SPATA13: variants seen among roughly 807,000 people sequenced by gnomAD.
SPATA13 encodes the protein spermatogenesis-associated protein 13.
Under a neutral mutation model 104.0 loss-of-function variants are expected in SPATA13, and 50 were observed. The observed-to-expected ratio is 0.48, with a 90% CI of 0.38 to 0.61. The LOEUF (loss-of-function observed/expected upper bound fraction) is 0.61, where lower values mean the gene tolerates loss of function less well. SPATA13 is among the 20% of genes least tolerant of loss of function. The pLI is 0.00. For missense variants in SPATA13, 1,524 were observed against 1,690.6 expected, an observed-to-expected ratio of 0.90 and a Z score of 1.73; for synonymous variants, 606 against 667.5, an observed-to-expected ratio of 0.91 and a Z score of 1.42.
chr13:24,150,162 G>T (rs557441616), intron 3 of SPATA13, among the ~76,000 whole-genome samples: 1 of 152,238 alleles, frequency 6.6e-6, no homozygotes, highest in East Asian at 1.9e-4. Flanking sequence ...CAGACCCTCT[G>T]TCCTGAGACA....
chr13:24,167,139 A>G (rs541974968), intron 1 of SPATA13, among the ~76,000 whole-genome samples: 1 of 152,326 alleles, frequency 6.6e-6, no homozygotes, highest in East Asian at 1.9e-4. Flanking sequence ...AACCACTGTC[A>G]TAGGTGAGGA....
chr13:24,294,306 G>A (rs1331984173), intron 9 of SPATA13, among the ~76,000 whole-genome samples: 1 of 152,182 alleles, frequency 6.6e-6, no homozygotes, highest in Non-Finnish European at 1.5e-5. Flanking sequence ...AAAAGATGAA[G>A]ACTCAGAGCA....
At chr13:24,203,214 G>A (rs1292332058) in intron 1 of SPATA13, among the ~76,000 whole-genome samples, 1 of 151,668 alleles carries the variant, frequency 6.6e-6, no homozygotes, top group Non-Finnish European at 1.5e-5. Context: ...GCTTTCTGAA[G>A]TTGAAGTTGT....
chr13:23,982,693 C>T (rs1874958261), intron 1 of SPATA13, among the ~76,000 whole-genome samples: 1 of 152,186 alleles, frequency 6.6e-6, no homozygotes, highest in Admixed American at 6.5e-5. Context: ...AGCCTTACAA[C>T]AACCACTCAG....
chr13:24,176,780 C>CTGTA (rs1435835939), intron 1 of SPATA13, among the ~76,000 whole-genome samples: 2 of 152,096 alleles, frequency 1.3e-5, no homozygotes, highest in Non-Finnish European at 2.9e-5. Flanking sequence ...CAAGTTCATG[C>CTGTA]TGTAGTATAT....
In SPATA13 at chr13:24,161,875, TTGCTGC is replaced by T. The variant is rs1882511268; in HGVS notation, c.-112+944_-112+949del. Among the ~76,000 whole-genome samples, 2 of 152,244 alleles carry T rather than the reference TTGCTGC, an allele frequency of 1.3e-5. No homozygotes were observed. Among genetic ancestry groups the T allele is most frequent in the African/African-American group, 4.8e-5 (2 of 41,452 alleles). ...TTTTCTCTGTCCCCACCTTCGGTTTTTGCTGCCTCGTGTTTTCTTCTCTGTGAACCT... is the reference window on the plus strand; with the variant it reads ...TTTTCTCTGTCCCCACCTTCGGTTTTCTCGTGTTTTCTTCTCTGTGAACCT... On this transcript the variant is annotated intron_variant, in intron 1 of 12. Transcript: ENST00000382108. The surrounding 1 kb of genome is among the most constrained non-coding windows in gnomAD (Gnocchi z 4.5).
intron 3 of SPATA13, among the ~76,000 whole-genome samples, chr13:24,086,692 A>G (rs1178604411): frequency 1.3e-5 from 2 of 151,848 alleles, no homozygotes; most frequent in African/African-American, 4.8e-5. Context: ...AAGAAGGCAG[A>G]CTCCCGAGTT....
chr13:24,002,913 T>A (rs1593269148), intron 2 of SPATA13, among the ~76,000 whole-genome samples: 1 of 152,326 alleles, frequency 6.6e-6, no homozygotes, highest in Non-Finnish European at 1.5e-5. Flanking sequence ...TCGCTTCTGA[T>A]GTCCTTAGAA....
At chr13:24,013,345 A>C (rs922083814) in intron 2 of SPATA13, among the ~76,000 whole-genome samples, 5 of 151,828 alleles carry the variant, frequency 3.3e-5, no homozygotes, top group Non-Finnish European at 5.9e-5. Flanking sequence ...TCCCTCACCC[A>C]CTGGGCTGAC....
chr13:24,190,897 C>T lies in SPATA13; in HGVS notation c.-112+29965C>T, dbSNP rs573134158. On this transcript the variant is annotated intron_variant, in intron 1 of 12. Coordinates refer to ENST00000382108, the MANE Select transcript of SPATA13 (RefSeq NM_001166271.3). ...TGGGTAAAATGCTATCAAACAGTAT[C>T]GCATCCTGTAGAGAAATCCTATATG... Among the ~76,000 whole-genome samples the T allele has an allele frequency of 1.3e-4, 20 of 152,176 alleles. No individual in the cohort carries two copies. In the South Asian group the frequency reaches 3.9e-3, roughly 30 times the overall value.
chr13:24,156,143 TG>T (rs1882251034), upstream of SPATA13, among the ~76,000 whole-genome samples: 1 of 152,216 alleles, frequency 6.6e-6, no homozygotes, highest in Non-Finnish European at 1.5e-5. Context: ...GCTATGAAAG[TG>T]GGTGTACAAA....
intron 4 of SPATA13, among the ~76,000 whole-genome samples, chr13:24,264,582 A>G (rs1874205666): frequency 6.6e-6 from 1 of 152,260 alleles, no homozygotes; most frequent in African/African-American, 2.4e-5. Flanking sequence ...TGATTTGCAC[A>G]AAGATATGCC....
chr13:24,125,877 G>A lies in SPATA13; in HGVS notation c.-111-96942G>A, dbSNP rs1446856272. On this transcript the variant is annotated intron_variant, in intron 3 of 14. Coordinates refer to the SPATA13 transcript ENST00000424834. Reference sequence around the variant, plus strand: ...TTAACTGGAAGAGTAAGGAAAAGACGAATGGAAGGCAAAAGGGGGCCCACT... The same window carrying A: ...TTAACTGGAAGAGTAAGGAAAAGACAAATGGAAGGCAAAAGGGGGCCCACT... 2.6e-5 allele frequency among the ~76,000 whole-genome samples: 4 copies of A among 152,164 alleles called. 1 individual carries two copies. Among genetic ancestry groups the A allele is most frequent in the South Asian group, 4.1e-4 (2 of 4,822 alleles).
chr13:24,128,716 A>G (rs1459385871), intron 3 of SPATA13, among the ~76,000 whole-genome samples: 1 of 121,988 alleles, frequency 8.2e-6, no homozygotes, highest in Non-Finnish European at 1.7e-5. Context: ...TTTAAACATA[A>G]AAAAAGTCCT....
At chr13:24,065,646 A>G (rs1878932577) in intron 3 of SPATA13, among the ~76,000 whole-genome samples, 1 of 152,214 alleles carries the variant, frequency 6.6e-6, no homozygotes, top group African/African-American at 2.4e-5. Context: ...CTGACTAAAT[A>G]TATCAACAAT....
rs903448694 is a variant in SPATA13, at chr13:24,303,218, G to A, written c.*445G>A. On this transcript the variant is annotated 3_prime_UTR_variant, in exon 13 of 13. Coordinates refer to ENST00000382108, the MANE Select transcript of SPATA13 (RefSeq NM_001166271.3). ...TCAAGGATGCCGTCAAGACGGGGTT[G>A]ACACAATGCTGCACGTGTCTGGTCA... 7.1e-6 allele frequency: 3 copies of A among 425,140 alleles called. No homozygotes were observed. Among genetic ancestry groups the A allele is most frequent in the African/African-American group, 2.0e-5 (1 of 48,998 alleles). The allele number at this position is 425,140 out of a possible 1,614,324, so 26.3% of individuals were successfully genotyped here.
chr13:24,112,113 G>T (rs965741084), intron 3 of SPATA13, among the ~76,000 whole-genome samples: 3 of 152,166 alleles, frequency 2.0e-5, no homozygotes, highest in Non-Finnish European at 4.4e-5. Flanking sequence ...CACTCTCTAG[G>T]CTGTCCTTCA....
intron 5 of SPATA13, among the ~76,000 whole-genome samples, chr13:24,285,026 A>G (rs1477314480): frequency 1.3e-5 from 2 of 152,012 alleles, no homozygotes; most frequent in Admixed American, 1.3e-4. Context: ...TTAGGAAATC[A>G]TTCTGGAAGA....
chr13:24,125,291 G>A (rs1881173265), intron 3 of SPATA13, among the ~76,000 whole-genome samples: 1 of 152,162 alleles, frequency 6.6e-6, no homozygotes, highest in Admixed American at 6.5e-5. Flanking sequence ...AGAGGGAGGA[G>A]CCCCTTGACT....
Sources: gnomAD v4.1 joint callset for allele counts (sites outside exome capture counted in the v4.1 genomes callset) on GRCh38, gnomAD v4.1.1 for gene constraint, Gnocchi (gnomAD v3.1) non-coding constraint, MANE v1.5 for transcripts, NCBI Gene and HGNC (gene_info 2026-07-23, HGNC 2026-07-21) for gene names.